The following WDR77 variants were observed in gnomAD, a reference collection of about 807,000 sequenced individuals.
WDR77 encodes methylosome protein WDR77.
Under a neutral mutation model 44.0 loss-of-function variants are expected in WDR77, and 31 were observed. That is an observed-to-expected ratio of 0.70 (90% CI 0.53 to 0.95). WDR77 has a LOEUF of 0.95. WDR77 is among the 40% of genes least tolerant of loss of function. The pLI is 0.00. For synonymous variants in WDR77, 186 were observed against 165.7 expected (o/e 1.12, Z -0.94); for missense variants, 390 against 423.9 (o/e 0.92, Z 0.70).
intron 2 of WDR77, among the ~76,000 whole-genome samples, chr1:111,447,790 G>A (rs1653110502): frequency 6.6e-6 from 1 of 152,180 alleles, no homozygotes; most frequent in Non-Finnish European, 1.5e-5. Flanking sequence ...AGACAAGTAG[G>A]TGCAGAAAGC....
At position 111,443,384 on chromosome 1, in the gene WDR77, C is replaced by A. The variant is rs116374713; in HGVS notation, c.630G>T (p.Ala210=). 6.0e-3 allele frequency: 9,303 copies of A among 1,552,362 alleles called. 49 individuals carry two copies. Among genetic ancestry groups the A allele is most frequent in the Non-Finnish European group, 7.4e-3 (8,490 of 1,147,276 alleles). ...CCAGCGAGGTAGGAAGGTAGCCAGG[C>A]GCACTGCAGCCTGCAAAGGAGAGAC... The part of the protein sequence containing the change: ...PKPASQIGCS[A]PGYLPTSLAW... The change falls in exon 7 of 10, where the codon GCG becomes GCT. Residue 210 remains alanine (A), a synonymous_variant. Transcript: ENST00000235090.
chr1:111,443,729 G>A, intron 6 of WDR77, 138 bp downstream of exon 6: 1 of 1,496,876 alleles, frequency 6.7e-7, no homozygotes, highest in Non-Finnish European at 8.9e-7. Context: ...AGCCTCACTG[G>A]AAAAGAAGGA....
intron 9 of WDR77, chr1:111,441,661 A>G (rs779267209): frequency 2.6e-6 from 3 of 1,143,670 alleles, no homozygotes; most frequent in Non-Finnish European, 3.4e-6. Context: ...CACGGCAAGG[A>G]GGGAAGTACA....
rs1652922950 is a variant in WDR77 at position 111,444,074 on chromosome 1, C to CA, written c.543dup (p.Val182CysfsTer10). ...CTTACCTCGCTGCATGAAAGAAACA[C>CA]AGAGTCCTTGTGAGGAGAGGCAGCA... On this transcript the variant is annotated frameshift_variant, in exon 5 of 10. Coordinates refer to ENST00000235090, the MANE Select transcript of WDR77 (RefSeq NM_024102.4). LOFTEE classifies it high-confidence loss of function. 6.2e-7 allele frequency: 1 copy of CA among 1,614,002 alleles called. No homozygotes were observed. The highest frequency in any genetic ancestry group is 8.5e-7 in the Non-Finnish European group (1 of 1,180,048).
intron 1 of WDR77, 59 bp downstream of exon 1, chr1:111,448,996 C>A: frequency 6.5e-7 from 1 of 1,542,852 alleles, no homozygotes; most frequent in Middle Eastern, 1.7e-4. Context: ...GGTCAGTCTC[C>A]GGGGAGGGGC....
chr1:111,441,681 T>A, intron 9 of WDR77: 2 of 964,010 alleles, frequency 2.1e-6, no homozygotes, highest in Non-Finnish European at 2.7e-6. Context: ...AATTCAGGTC[T>A]TCCAGGTGCT....
intron 1 of WDR77, 31 bp downstream of exon 1, chr1:111,449,024 G>T (rs1017196267): frequency 5.8e-6 from 9 of 1,557,000 alleles, no homozygotes; most frequent in Admixed American, 5.7e-5. Context: ...GCCGGGGTAA[G>T]GGAGCTCCCA....
At position 111,439,902 on chromosome 1, in the gene WDR77, T is replaced by C. The variant is rs1652736139; in HGVS notation, c.*1328A>G. 1 of 152,634 alleles carries C rather than the reference T, an allele frequency of 6.6e-6. No homozygotes were observed. Among genetic ancestry groups the C allele is most frequent in the African/African-American group, 2.4e-5 (1 of 41,450 alleles). The allele number at this position is 152,634 out of a possible 1,614,324, so 9.5% of individuals were successfully genotyped here. A position where few individuals can be genotyped will look rare whatever the true frequency, so the allele number is the denominator to read the frequency against. ...AGGATCACACAACTACAAATTCCCA[T>C]GTTTTACTCAAGGGTAATCATGTCA... On this transcript the variant is annotated 3_prime_UTR_variant, in exon 10 of 10. Transcript: ENST00000235090.
At position 111,440,701 on chromosome 1, in the gene WDR77, C is replaced by G. The variant is rs190227247; in HGVS notation, c.*529G>C. On this transcript the variant is annotated 3_prime_UTR_variant, in exon 10 of 10. Transcript: ENST00000235090. ...TTGTGTAAAACCGTACCAAGTCCTG[C>G]TTCTTCCTCAGAGTGAGCTGGGCTG... is the stretch of plus-strand genomic sequence containing the variant. 1 of 152,324 alleles carries G rather than the reference C, an allele frequency of 6.6e-6. No homozygotes were observed. Among genetic ancestry groups the G allele is most frequent in the East Asian group, 1.9e-4 (1 of 5,186 alleles). 9.4% of individuals were successfully genotyped at this position (152,324 alleles called of 1,614,324 possible).
At position 111,443,866 on chromosome 1, in the gene WDR77, C is replaced by A; in HGVS notation, c.619+1G>T. On this transcript the variant is annotated splice_donor_variant, in intron 6 of 9. Coordinates refer to ENST00000235090, the MANE Select transcript of WDR77 (RefSeq NM_024102.4). LOFTEE classifies it high-confidence loss of function. ...CTCCCACCAATGAATCTCAGACTCA[C>A]CAATCTGTGATGCTGGCTTGGGACA... 1 of 1,614,100 alleles carries A rather than the reference C, an allele frequency of 6.2e-7. No homozygotes were observed.
chr1:111,442,708 G>A lies in WDR77; in HGVS notation c.745C>T (p.Leu249=). 6.2e-7 allele frequency: 1 copy of A among 1,601,746 alleles called. No individual in the cohort carries two copies. The highest frequency in any genetic ancestry group is 1.1e-5 in the South Asian group (1 of 89,340). Residue 249 remains leucine, a synonymous_variant, in exon 8 of 10, where the codon CTG becomes TTG. Coordinates refer to ENST00000235090, the MANE Select transcript of WDR77 (RefSeq NM_024102.4). ...LVDTKSTSCV[L]SSAVHSQCVT... Reference sequence around the variant, plus strand: ...CACTGGGAGTGTACAGCTGAGCTCAGGACACAGCTTGTACTCTTGGTGTCC... The same window carrying A: ...CACTGGGAGTGTACAGCTGAGCTCAAGACACAGCTTGTACTCTTGGTGTCC...
chr1:111,448,554 T>C (rs1653152909), intron 2 of WDR77, 65 bp downstream of exon 2: 1 of 1,598,828 alleles, frequency 6.3e-7, no homozygotes, highest in African/African-American at 1.3e-5. Context: ...AACCCTACGG[T>C]ACCCCAAGTC....
In WDR77 at chr1:111,441,133, C is replaced by G; in HGVS notation, c.*97G>C. The stretch of plus-strand genomic sequence containing the variant: ...TAACGGCACAGATCTAGCATATCAA[C>G]ATACTATAGAAGGCTCCTGTGTTGT... On this transcript the variant is annotated 3_prime_UTR_variant, in exon 10 of 10. Transcript: ENST00000235090. The G allele has an allele frequency of 7.9e-7, 1 of 1,267,808 alleles. No individual in the cohort carries two copies. Among genetic ancestry groups the G allele is most frequent in the Non-Finnish European group, 1.0e-6 (1 of 969,268 alleles). 78.5% of individuals were successfully genotyped at this position (1,267,808 alleles called of 1,614,324 possible).
chr1:111,441,966 G>T, intron 9 of WDR77, 59 bp downstream of exon 9: 1 of 1,485,630 alleles, frequency 6.7e-7, no homozygotes, highest in South Asian at 1.1e-5. Flanking sequence ...AGAGGAAAAT[G>T]ACTCGCCCAC....
At position 111,449,093 on chromosome 1, in the gene WDR77, C is replaced by A; in HGVS notation, c.77G>T (p.Cys26Phe). The change falls in exon 1 of 10, where the codon TGC becomes TTC. Residue 26 changes from cysteine to phenylalanine, a missense_variant. Transcript: ENST00000235090. Reference protein sequence around the residue: ...EWNLPPNAPACMERQLEAARY... With the variant: ...EWNLPPNAPAFMERQLEAARY... Reference sequence around the variant, plus strand: ...CGCAGCCTCCAACTGCCGTTCCATGCAGGCGGGCGCATTTGGGGGAAGATT... The same window carrying A: ...CGCAGCCTCCAACTGCCGTTCCATGAAGGCGGGCGCATTTGGGGGAAGATT... 1 of 1,604,304 alleles carries A rather than the reference C, an allele frequency of 6.2e-7. No individual in the cohort carries two copies. The highest frequency in any genetic ancestry group is 8.5e-7 in the Non-Finnish European group (1 of 1,177,210).
chr1:111,446,553 A>G (rs1432539555), intron 4 of WDR77, among the ~76,000 whole-genome samples: 1 of 152,252 alleles, frequency 6.6e-6, no homozygotes, highest in Non-Finnish European at 1.5e-5. Context: ...ACAGGCCACA[A>G]GAAACTAATA....
chr1:111,447,397 GA>G, intron 3 of WDR77, 37 bp downstream of exon 3: 1 of 1,612,464 alleles, frequency 6.2e-7, no homozygotes, highest in Non-Finnish European at 8.5e-7. Context: ...GCACCCACAG[GA>G]GGCTTAGAGA....
intron 2 of WDR77, among the ~76,000 whole-genome samples, chr1:111,448,114 G>A (rs17528989): frequency 0.2 from 30,642 of 151,864 alleles, 3,709 homozygotes; most frequent in Non-Finnish European, 0.28. Flanking sequence ...AACTGTCAGA[G>A]AGGTTAAATC....
At chr1:111,441,677 G>T in intron 9 of WDR77, 1 of 993,934 alleles carries the variant, frequency 1.0e-6, no homozygotes, top group Non-Finnish European at 1.3e-6. Flanking sequence ...GTACAATTCA[G>T]GTCTTCCAGG....
Sources: gnomAD v4.1 joint callset for allele counts (sites outside exome capture counted in the v4.1 genomes callset) on GRCh38, gnomAD v4.1.1 for gene constraint, MANE v1.5 for transcripts, NCBI Gene and HGNC (gene_info 2026-07-23, HGNC 2026-07-21) for gene names.